MOK: variants seen among roughly 807,000 people sequenced by gnomAD.
MOK encodes the protein MAPK/MAK/MRK overlapping kinase.
MOK carries 59 observed loss-of-function variants against 54.2 expected under a neutral mutation model. The observed-to-expected ratio is 1.09, with a 90% CI of 0.88 to 1.35. The LOEUF (loss-of-function observed/expected upper bound fraction) is 1.35, where lower values mean the gene tolerates loss of function less well. Ranked by LOEUF, MOK falls within the 40% of genes most tolerant of loss-of-function variation. The probability of loss-of-function intolerance (pLI) is 0.00; values close to 1 mark genes in which losing one functional copy is unlikely to be tolerated. For missense variants in MOK, 517 were observed against 526.2 expected, an observed-to-expected ratio of 0.98 and a Z score of 0.17; for synonymous variants, 210 against 202.7, an observed-to-expected ratio of 1.04 and a Z score of -0.31.
intron 7 of MOK, chr14:102,247,268 T>G (rs1332752791): frequency 6.6e-6 from 1 of 152,228 alleles, no homozygotes; most frequent in East Asian, 1.9e-4. Context: ...TATGGATGCA[T>G]GAGGACAACA....
At position 102,282,828 on chromosome 14, in the gene MOK, G is replaced by A. The variant is rs180862266; in HGVS notation, c.122+650C>T. ...GCACTTTGGAAGGCCAAGGCGGGCG[G>A]ATCACTTGAGGCCAAGGAGTTCAAG... On this transcript the variant is annotated intron_variant, in intron 2 of 11. Transcript: ENST00000361847. Among the ~76,000 whole-genome samples, 3 of 152,098 alleles carry A rather than the reference G, an allele frequency of 2.0e-5. No individual in the cohort carries two copies. In the East Asian group the frequency reaches 5.8e-4, roughly 29 times the overall value.
downstream of MOK, among the ~76,000 whole-genome samples, chr14:102,228,613 C>T (rs2064352881): frequency 6.6e-6 from 1 of 151,244 alleles, no homozygotes; most frequent in South Asian, 2.1e-4. Context: ...GCGGGAGAAT[C>T]CCTTGAACCC....
At chr14:102,219,612 C>T (rs889794857), downstream of MOK, among the ~76,000 whole-genome samples, 13 of 152,214 alleles carry the variant, frequency 8.5e-5, no homozygotes, top group Admixed American at 7.2e-4. Flanking sequence ...TTTGCTCTGA[C>T]GGGCGGGCTC....
At chr14:102,246,377 AT>A (rs1381816646) in intron 7 of MOK, 2 of 151,950 alleles carry the variant, frequency 1.3e-5, no homozygotes, top group Admixed American at 1.3e-4. Flanking sequence ...CGAACTATTT[AT>A]TTTTCTGCTC....
rs2064658281 is a variant in MOK at position 102,231,079 on chromosome 14, A to G, written c.981+628T>C. ...GAATGATGGAAGGGCACACTGTCAC[A>G]CTGTTGGGGTGCCAGCCCAGAACTG... is the stretch of plus-strand genomic sequence containing the variant. On this transcript the variant is annotated intron_variant, in intron 10 of 11. Coordinates refer to ENST00000361847, the MANE Select transcript of MOK (RefSeq NM_014226.3). This position sits in a 1 kb window ranked among gnomAD's most constrained non-coding sequence, Gnocchi z 4.4. 6.6e-6 allele frequency: 1 copy of G among 152,270 alleles called. No individual in the cohort carries two copies. Among genetic ancestry groups the G allele is most frequent in the Admixed American group, 6.5e-5 (1 of 15,274 alleles). 9.4% of individuals were successfully genotyped at this position (152,270 alleles called of 1,614,324 possible). A position where few individuals can be genotyped will look rare whatever the true frequency, so the allele number is the denominator to read the frequency against.
At chr14:102,253,273 C>CA (rs545634926) in intron 4 of MOK, among the ~76,000 whole-genome samples, 50 of 152,248 alleles carry the variant, frequency 3.3e-4, no homozygotes, top group African/African-American at 1.2e-3. Flanking sequence ...GAAATCGGGG[C>CA]AATTAGCACA....
intron 8 of MOK, 32 bp downstream of exon 8, chr14:102,233,656 G>A (rs772137545): frequency 6.4e-7 from 1 of 1,555,208 alleles, no homozygotes; most frequent in South Asian, 1.1e-5. Flanking sequence ...AGGGGAGTGG[G>A]TCCACATCCA....
chr14:102,243,488 G>A (rs114921727), intron 7 of MOK, among the ~76,000 whole-genome samples: 9,302 of 152,172 alleles, frequency 0.061, 314 homozygotes, highest in South Asian at 0.12. Flanking sequence ...GGCAGCTGCC[G>A]TCACCCTAAC....
Position 102,231,487 on chromosome 14 carries a change from TC to T in MOK, c.981+219del, listed in dbSNP as rs2064700009. On this transcript the variant is annotated intron_variant, in intron 10 of 11. Coordinates refer to ENST00000361847, the MANE Select transcript of MOK (RefSeq NM_014226.3). This position sits in a 1 kb window ranked among gnomAD's most constrained non-coding sequence, Gnocchi z 4.4. ...CTCACATGGGATATTCGTCATCAATTCTTAGCTACTGGGGCAGAAAGGGCTT... is the reference window on the plus strand; with the variant it reads ...CTCACATGGGATATTCGTCATCAATTTTAGCTACTGGGGCAGAAAGGGCTT... 1 of 511,212 alleles carries T rather than the reference TC, an allele frequency of 2.0e-6. No individual in the cohort carries two copies. Among genetic ancestry groups the T allele is most frequent in the Admixed American group, 3.3e-5 (1 of 30,182 alleles). The allele number at this position is 511,212 out of a possible 1,614,324, so 31.7% of individuals were successfully genotyped here.
chr14:102,293,466 A>G (rs1326221436), intron 1 of MOK, among the ~76,000 whole-genome samples: 1 of 152,182 alleles, frequency 6.6e-6, no homozygotes. Flanking sequence ...TGGGAGGCTG[A>G]GGCAGGCGGA....
chr14:102,292,389 C>T (rs533551538), intron 1 of MOK, among the ~76,000 whole-genome samples: 2 of 151,706 alleles, frequency 1.3e-5, no homozygotes, highest in East Asian at 1.9e-4. Context: ...AGGAGAATGG[C>T]GTGAACCCAG....
chr14:102,233,485 G>A (rs1461665487), intron 8 of MOK: 1 of 556,698 alleles, frequency 1.8e-6, no homozygotes, highest in East Asian at 3.0e-5. Flanking sequence ...TGATGCTCAA[G>A]GAAGAGCTCA....
the MOK span, among the ~76,000 whole-genome samples, chr14:102,219,286 A>G: frequency 6.6e-6 from 1 of 152,248 alleles, no homozygotes; most frequent in South Asian, 2.1e-4. Context: ...TCACCACGGC[A>G]AAGTGAGTCC....
intron 1 of MOK, among the ~76,000 whole-genome samples, chr14:102,296,416 T>C (rs1428230564): frequency 6.6e-6 from 1 of 152,102 alleles, no homozygotes; most frequent in Non-Finnish European, 1.5e-5. Flanking sequence ...CACACCAATA[T>C]ATAAAACTTG....
chr14:102,257,848 G>A (rs1000017027), intron 4 of MOK, among the ~76,000 whole-genome samples: 2 of 151,962 alleles, frequency 1.3e-5, no homozygotes, highest in East Asian at 1.9e-4. Flanking sequence ...GTGGTGGCAC[G>A]CACCTGTAGT....
chr14:102,255,763 C>T (rs1050012514), intron 4 of MOK, among the ~76,000 whole-genome samples: 6 of 152,152 alleles, frequency 3.9e-5, no homozygotes, highest in African/African-American at 1.2e-4. Context: ...GTACAATTAA[C>T]GAGTTACTCA....
chr14:102,238,892 C>T lies in MOK; in HGVS notation c.591-5103G>A, dbSNP rs1046455020. ...CCTCCATTCCCCATCTATTCCTACA[C>T]ACCAGCTAAGAGGAACACTCCCAGG... On this transcript the variant is annotated intron_variant, in intron 7 of 11. Coordinates refer to ENST00000361847, the MANE Select transcript of MOK (RefSeq NM_014226.3). The surrounding 1 kb of genome is among the most constrained non-coding windows in gnomAD (Gnocchi z 4.8). Among the ~76,000 whole-genome samples the T allele has an allele frequency of 1.3e-5, 2 of 152,176 alleles. No individual in the cohort carries two copies. Among genetic ancestry groups the T allele is most frequent in the Admixed American group, 6.5e-5 (1 of 15,274 alleles).
At chr14:102,283,660 GC>G (rs1441412895) in intron 1 of MOK, 68 bp from the exon 2 acceptor site, 37 of 942,300 alleles carry the variant, frequency 3.9e-5, no homozygotes, top group Non-Finnish European at 5.8e-5. Context: ...CTTCCAGACA[GC>G]AAACTTTTAA....
At chr14:102,239,014 A>G (rs1197496661) in intron 7 of MOK, among the ~76,000 whole-genome samples, 2 of 152,038 alleles carry the variant, frequency 1.3e-5, no homozygotes, top group Admixed American at 6.6e-5. Flanking sequence ...GGGTGGAGGC[A>G]TTTCCTACCT....
Sources: gnomAD v4.1 joint callset for allele counts (sites outside exome capture counted in the v4.1 genomes callset) on GRCh38, gnomAD v4.1.1 for gene constraint, Gnocchi (gnomAD v3.1) non-coding constraint, MANE v1.5 for transcripts, NCBI Gene and HGNC (gene_info 2026-07-23, HGNC 2026-07-21) for gene names.